Variants in XKR4 observed in about 807,000 individuals in gnomAD.
XKR4 encodes XK-related protein 4.
In XKR4, 12 loss-of-function variants were observed where a neutral mutation model predicts 53.9. The ratio of observed to expected loss-of-function variants is 0.22; its 90% CI spans 0.14 to 0.36. The LOEUF (loss-of-function observed/expected upper bound fraction) is 0.36, where lower values mean the gene tolerates loss of function less well. Among genes scored for constraint, XKR4 ranks in the 10% least tolerant of loss-of-function variants. The pLI is 1.00. For missense variants in XKR4, 799 were observed against 859.5 expected (o/e 0.93, Z 0.88); for synonymous variants, 354 against 362.4 (o/e 0.98, Z 0.26).
At chr8:55,435,501 T>G (rs16921822) in intron 2 of XKR4, among the ~76,000 whole-genome samples, 33,693 of 151,818 alleles carry the variant, frequency 0.22, 4,252 homozygotes, top group African/African-American at 0.36. Context: ...TTTATAGCTT[T>G]TTATAGCCCT....
At chr8:55,376,729 A>G (rs909747501) in intron 2 of XKR4, among the ~76,000 whole-genome samples, 2 of 152,102 alleles carry the variant, frequency 1.3e-5, no homozygotes, top group Non-Finnish European at 2.9e-5. Flanking sequence ...GATATTTCCT[A>G]CAGTTCTGGG....
chr8:55,256,429 A>C (rs967577266), intron 1 of XKR4, among the ~76,000 whole-genome samples: 1 of 152,242 alleles, frequency 6.6e-6, no homozygotes, highest in African/African-American at 2.4e-5. Context: ...CTGCATTTGC[A>C]ATTAGTCCAG....
At chr8:55,103,873 A>ATG (rs1816098884) in intron 1 of XKR4, among the ~76,000 whole-genome samples, 1 of 143,132 alleles carries the variant, frequency 7.0e-6, no homozygotes, top group East Asian at 2.0e-4. Flanking sequence ...ATATATATAT[A>ATG]TATATATATA....
In XKR4 at chr8:55,289,650, G is replaced by GAAAGA. The variant is rs1563316470; in HGVS notation, c.807-68026_807-68025insAGAAA. On this transcript the variant is annotated intron_variant, in intron 1 of 2. Transcript: ENST00000327381. The stretch of plus-strand genomic sequence containing the variant: ...GAAAGAAAGAAAGAAAGAAAGAAAG[G>GAAAGA]AAGGAAGGAAAAGAAAAGAAAAGAA... 7.3e-3 allele frequency among the ~76,000 whole-genome samples: 512 copies of GAAAGA among 70,024 alleles called. 2 individuals are homozygous for GAAAGA. Among genetic ancestry groups the GAAAGA allele is most frequent in the Non-Finnish European group, 9.8e-3 (333 of 33,830 alleles). 45.9% of individuals were successfully genotyped at this position (70,024 alleles called of 152,430 possible). A position where few individuals can be genotyped will look rare whatever the true frequency, so the allele number is the denominator to read the frequency against.
chr8:55,305,504 A>G (rs769394589), intron 1 of XKR4, among the ~76,000 whole-genome samples: 1 of 151,922 alleles, frequency 6.6e-6, no homozygotes, highest in Non-Finnish European at 1.5e-5. Flanking sequence ...CAAATACTGG[A>G]CTGGAAGGCA....
At chr8:55,273,142 CTGTGTGTGTG>C (rs5891567) in intron 1 of XKR4, among the ~76,000 whole-genome samples, 71,633 of 147,422 alleles carry the variant, frequency 0.49, 20,140 homozygotes, top group Non-Finnish European at 0.66. Context: ...GAAAAGAGGA[CTGTGTGTGTG>C]TGTGTGTGTG....
chr8:55,149,511 C>G (rs979179876), intron 1 of XKR4, among the ~76,000 whole-genome samples: 1 of 152,030 alleles, frequency 6.6e-6, no homozygotes, highest in Non-Finnish European at 1.5e-5. Context: ...CCTTTGGCAT[C>G]GAGAAAAAGT....
At chr8:55,233,917 A>G (rs1358146591) in intron 1 of XKR4, among the ~76,000 whole-genome samples, 1 of 152,232 alleles carries the variant, frequency 6.6e-6, no homozygotes, top group Non-Finnish European at 1.5e-5. Flanking sequence ...GGACTTAGAG[A>G]TGAAAGATAA....
At chr8:55,303,465 G>T (rs942849912) in intron 1 of XKR4, among the ~76,000 whole-genome samples, 26 of 151,994 alleles carry the variant, frequency 1.7e-4, no homozygotes, top group Middle Eastern at 3.4e-3. Flanking sequence ...TCTCTTTTTT[G>T]GTTGTGTCTC....
chr8:55,429,088 C>T (rs187125541), intron 2 of XKR4, among the ~76,000 whole-genome samples: 51 of 152,246 alleles, frequency 3.3e-4, no homozygotes, highest in Non-Finnish European at 5.6e-4. Flanking sequence ...ACACAATATA[C>T]CCACAAATAT....
rs201825644 is a variant in XKR4, at chr8:55,357,659, C to T, written c.807-19C>T. 6.2e-7 allele frequency: 1 copy of T among 1,613,082 alleles called. No homozygotes were observed. The highest frequency in any genetic ancestry group is 1.7e-5 in the Admixed American group (1 of 60,016). ...TATCATCACTCATCTCTTTCTTATT[C>T]TCCATGTTTTCTTTCTAGATATTTC... On this transcript the variant is annotated intron_variant, in intron 1 of 2. Coordinates refer to ENST00000327381, the MANE Select transcript of XKR4 (RefSeq NM_052898.2).
At chr8:55,358,965 A>C (rs1416023783) in intron 2 of XKR4, among the ~76,000 whole-genome samples, 1 of 152,204 alleles carries the variant, frequency 6.6e-6, no homozygotes, top group East Asian at 1.9e-4. Context: ...CCTGTATAGG[A>C]AAAGGAAGAG....
rs114029696 is a variant in XKR4, at chr8:55,229,434, G to A, written c.806+126140G>A. On this transcript the variant is annotated intron_variant, in intron 1 of 2. Coordinates refer to ENST00000327381, the MANE Select transcript of XKR4 (RefSeq NM_052898.2). Reference sequence around the variant, plus strand: ...CTCCGTCAGTCGTTTCAGGCTTCGTGGTATCTAGAGCAGCACTGGACTATT... The same window carrying A: ...CTCCGTCAGTCGTTTCAGGCTTCGTAGTATCTAGAGCAGCACTGGACTATT... Among the ~76,000 whole-genome samples, 301 of 152,346 alleles carry A rather than the reference G, an allele frequency of 2.0e-3. 1 individual carries two copies. The highest frequency in any genetic ancestry group is 6.9e-3 in the African/African-American group (288 of 41,580).
chr8:55,196,896 T>C (rs554155034), intron 1 of XKR4, among the ~76,000 whole-genome samples: 21 of 152,310 alleles, frequency 1.4e-4, no homozygotes, highest in African/African-American at 4.8e-4. Context: ...TGTTATGTGA[T>C]TGGACGGACG....
intron 2 of XKR4, among the ~76,000 whole-genome samples, chr8:55,519,191 A>G (rs1265507640): frequency 1.3e-5 from 2 of 152,196 alleles, no homozygotes; most frequent in Admixed American, 6.5e-5. Context: ...AGGTCTTATC[A>G]CCTATTTTCA....
intron 2 of XKR4, 51 bp from the exon 3 acceptor site, chr8:55,523,230 G>T (rs771157343): frequency 2.0e-6 from 3 of 1,483,946 alleles, no homozygotes; most frequent in Non-Finnish European, 1.8e-6. Context: ...CTTCCAGGGG[G>T]CATTGCTGCA....
intron 1 of XKR4, among the ~76,000 whole-genome samples, chr8:55,180,641 C>T (rs528916144): frequency 6.6e-6 from 1 of 152,276 alleles, no homozygotes; most frequent in South Asian, 2.1e-4. Context: ...AAATGATTCT[C>T]CTGCCTCAGC....
intron 1 of XKR4, among the ~76,000 whole-genome samples, chr8:55,136,418 A>G (rs1476997756): frequency 1.3e-5 from 2 of 152,218 alleles, no homozygotes; most frequent in Non-Finnish European, 2.9e-5. Context: ...AAGCATTTTA[A>G]ACAAAGATCA....
Position 55,529,782 on chromosome 8 carries a change from A to C in XKR4, c.*5555A>C, listed in dbSNP as rs1326921706. ...TCTGATGATCAAATTTTTCCAAGAA[A>C]ATTTTATTTAAAAGTCAAAGATGTC... is the stretch of plus-strand genomic sequence containing the variant. On this transcript the variant is annotated 3_prime_UTR_variant, in exon 3 of 3. Transcript: ENST00000327381. 6.6e-6 allele frequency: 1 copy of C among 152,180 alleles called. No individual in the cohort carries two copies. Among genetic ancestry groups the C allele is most frequent in the Non-Finnish European group, 1.5e-5 (1 of 68,028 alleles). 9.4% of individuals were successfully genotyped at this position (152,180 alleles called of 1,614,324 possible).
Sources: gnomAD v4.1 joint callset for allele counts (sites outside exome capture counted in the v4.1 genomes callset) on GRCh38, gnomAD v4.1.1 for gene constraint, MANE v1.5 for transcripts, NCBI Gene and HGNC (gene_info 2026-07-23, HGNC 2026-07-21) for gene names.